The following C16orf96 variants were observed in gnomAD, a reference collection of about 807,000 sequenced individuals.
C16orf96 encodes uncharacterized protein C16orf96.
Under a neutral mutation model 103.6 loss-of-function variants are expected in C16orf96, and 108 were observed. The observed-to-expected ratio is 1.04, with a 90% CI of 0.89 to 1.22. The LOEUF (loss-of-function observed/expected upper bound fraction) is 1.22. Ranked by LOEUF, C16orf96 falls within the 50% of genes most tolerant of loss-of-function variation. The pLI is 0.00. For synonymous variants in C16orf96, 566 were observed against 593.5 expected, an observed-to-expected ratio of 0.95 and a Z score of 0.67; for missense variants, 1,586 against 1,464.2, an observed-to-expected ratio of 1.08 and a Z score of -1.36.
In C16orf96 at chr16:4,600,114, T is replaced by C. The variant is rs1190479764; in HGVS notation, c.3223T>C (p.Ser1075Pro). 3 of 1,551,248 alleles carry C rather than the reference T, an allele frequency of 1.9e-6. No individual in the cohort carries two copies. The highest frequency in any genetic ancestry group is 2.0e-5 in the Admixed American group (1 of 50,984). Residue 1075 changes from serine to proline, a missense_variant, in exon 16 of 16, where the codon TCC (serine) becomes CCC (proline). Ser to Pro is a moderately conservative substitution (Grantham distance 74, BLOSUM62 -1). Coordinates refer to ENST00000444310, the MANE Select transcript of C16orf96 (RefSeq NM_001145011.2). ...CCCCTCCCCAGCCCTGTGCCCCCGC[T>C]CCAGTGCCTGCTCAGCTGCCTCGGG... ...GAICPPLCPRSSACSAASGPH... is the reference protein window; with the variant it reads ...GAICPPLCPRPSACSAASGPH...
chr16:4,566,399 G>T (rs944987934), intron 1 of C16orf96, among the ~76,000 whole-genome samples: 2 of 152,138 alleles, frequency 1.3e-5, no homozygotes, highest in African/African-American at 4.8e-5. Context: ...TCTCATTGTA[G>T]TTTTGATTTT....
chr16:4,559,379 CTAAAAA>C (rs1197783708), intron 1 of C16orf96, among the ~76,000 whole-genome samples: 1 of 151,314 alleles, frequency 6.6e-6, no homozygotes, highest in African/African-American at 2.4e-5. Flanking sequence ...CCCGTCTCTA[CTAAAAA>C]TAAAAATAAA....
intron 11 of C16orf96, 51 bp downstream of exon 11, chr16:4,592,418 T>C (rs1897080949): frequency 8.4e-6 from 13 of 1,544,470 alleles, no homozygotes; most frequent in Middle Eastern, 1.7e-4. Flanking sequence ...GTGGGGCCCA[T>C]GGAGGTCATC....
At chr16:4,557,057 C>T (rs2141687180) in intron 1 of C16orf96, 148 bp downstream of exon 1, 2 of 891,716 alleles carry the variant, frequency 2.2e-6, no homozygotes, top group East Asian at 2.7e-5. Flanking sequence ...GCAACCTCCG[C>T]CTCCCGGGTT....
chr16:4,593,269 G>A lies in C16orf96; in HGVS notation c.2820G>A (p.Arg940=). ...AAGCCCACCTGCTGTCCCGGCTGCG[G>A]CCAGCCAGCGCCAACAGCTGCGAGT... The part of the protein sequence containing the change: ...IRKAHLLSRL[R]PASANSCEYL... Residue 940 remains arginine, a synonymous_variant, in exon 12 of 16, where the codon CGG becomes CGA. Transcript: ENST00000444310. This position sits in a 1 kb window ranked among gnomAD's most constrained non-coding sequence, Gnocchi z 4.2. 6.4e-7 allele frequency: 1 copy of A among 1,550,926 alleles called. No homozygotes were observed. The highest frequency in any genetic ancestry group is 8.7e-7 in the Non-Finnish European group (1 of 1,146,880).
At chr16:4,572,210 T>C (rs1002106658) in intron 2 of C16orf96, among the ~76,000 whole-genome samples, 1 of 152,094 alleles carries the variant, frequency 6.6e-6, no homozygotes, top group Non-Finnish European at 1.5e-5. Flanking sequence ...AGAAATCACG[T>C]TCATCCTGGA....
intron 7 of C16orf96, 132 bp from the exon 8 acceptor site, chr16:4,586,907 C>T: frequency 1.4e-6 from 1 of 739,572 alleles, no homozygotes; most frequent in South Asian, 1.8e-5. Context: ...TTGTAACGCC[C>T]ATGCCCACCT....
At chr16:4,540,681 C>T in the C16orf96 span, among the ~76,000 whole-genome samples, 692 of 151,382 alleles carry the variant, frequency 4.6e-3, 6 homozygotes, top group Middle Eastern at 0.048. Flanking sequence ...GAGCCAAGAT[C>T]ACACCACTGC....
At chr16:4,592,227 G>T (rs752081060) in intron 10 of C16orf96, 78 bp from the exon 11 acceptor site, 20 of 1,518,998 alleles carry the variant, frequency 1.3e-5, no homozygotes, top group Non-Finnish European at 1.3e-5. Flanking sequence ...TGCAGCCCTG[G>T]GGCTCTGGCT....
At chr16:4,567,289 T>A (rs1472995308) in intron 1 of C16orf96, among the ~76,000 whole-genome samples, 2 of 136,458 alleles carry the variant, frequency 1.5e-5, no homozygotes, top group African/African-American at 5.4e-5. Flanking sequence ...TCTTTTTTTT[T>A]TTTTTTTTTT....
At chr16:4,578,894 T>C in intron 5 of C16orf96, 46 bp from the exon 6 acceptor site, 1 of 1,455,740 alleles carries the variant, frequency 6.9e-7, no homozygotes. Context: ...CAGAAACATC[T>C]TCCTCCATCC....
intron 1 of C16orf96, among the ~76,000 whole-genome samples, chr16:4,566,645 G>A (rs2059388100): frequency 6.6e-6 from 1 of 152,042 alleles, no homozygotes; most frequent in Non-Finnish European, 1.5e-5. Context: ...TTTCTTGCTG[G>A]TGTCTTTTGA....
In C16orf96 at chr16:4,575,031, T is replaced by G; in HGVS notation, c.666T>G (p.Ser222Arg). 6.4e-7 allele frequency: 1 copy of G among 1,551,376 alleles called. No individual in the cohort carries two copies. The highest frequency in any genetic ancestry group is 2.4e-5 in the East Asian group (1 of 40,916). ...AAACCGAGGACATGGTGCTCTGGAG[T>G]GGCCTTCATGATGCCATGTTCACCT... ...IPKTEDMVLW[S>R]GLHDAMFTSE... Residue 222 changes from serine to arginine, a missense_variant, in exon 4 of 16, where the codon AGT (serine) becomes AGG (arginine). By Grantham distance (110) the Ser-to-Arg change is moderately radical. Transcript: ENST00000444310.
At chr16:4,561,208 G>C (rs1596514147) in intron 1 of C16orf96, 1 of 152,196 alleles carries the variant, frequency 6.6e-6, no homozygotes, top group South Asian at 2.1e-4. Flanking sequence ...TGGGGAGGCT[G>C]AGGCAGGAGA....
At chr16:4,557,151 G>A (rs1048533172) in intron 1 of C16orf96, among the ~76,000 whole-genome samples, 11 of 152,074 alleles carry the variant, frequency 7.2e-5, no homozygotes, top group Admixed American at 5.9e-4. Flanking sequence ...TGTATTTTTA[G>A]TAGAGATGGG....
intron 7 of C16orf96, among the ~76,000 whole-genome samples, chr16:4,582,869 C>G (rs1241130534): frequency 6.6e-6 from 1 of 152,176 alleles, no homozygotes; most frequent in African/African-American, 2.4e-5. Flanking sequence ...GAAGCCCTGC[C>G]ACGTGTGCCA....
chr16:4,581,136 GTATACATATATATATATATATATATATA>G (rs1166317401), intron 7 of C16orf96, among the ~76,000 whole-genome samples: 1 of 40,776 alleles, frequency 2.5e-5, no homozygotes, highest in Non-Finnish European at 5.5e-5. Flanking sequence ...AAATATATAT[GTATACATATATATATATATATATATATA>G]TATATATATA....
intron 1 of C16orf96, among the ~76,000 whole-genome samples, chr16:4,569,802 C>T (rs2059418032): frequency 6.6e-6 from 1 of 152,042 alleles, no homozygotes; most frequent in South Asian, 2.1e-4. Context: ...AAGAAACAGA[C>T]TTAGAGACCA....
At chr16:4,569,699 C>CAAAAA (rs5815209) in intron 1 of C16orf96, among the ~76,000 whole-genome samples, 1 of 129,434 alleles carries the variant, frequency 7.7e-6, no homozygotes. Flanking sequence ...GACTCTGTCT[C>CAAAAA]AAAAAAAAAA....
Sources: gnomAD v4.1 joint callset for allele counts (sites outside exome capture counted in the v4.1 genomes callset) on GRCh38, gnomAD v4.1.1 for gene constraint, Gnocchi (gnomAD v3.1) non-coding constraint, MANE v1.5 for transcripts, NCBI Gene and HGNC (gene_info 2026-07-23, HGNC 2026-07-21) for gene names.